Variants in TTF1 observed in about 807,000 individuals in gnomAD.
The protein encoded by TTF1 is transcription termination factor, RNA polymerase I.
Under a neutral mutation model 80.2 loss-of-function variants are expected in TTF1, and 64 were observed. The ratio of observed to expected loss-of-function variants is 0.80; its 90% confidence interval spans 0.65 to 0.98. TTF1 has a LOEUF of 0.98. Ranked by LOEUF, TTF1 falls within the 50% of genes least tolerant of loss-of-function variation. TTF1 has a pLI of 0.00. For missense variants in TTF1, 1,023 were observed against 1,086.2 expected (o/e 0.94, Z 0.82); for synonymous variants, 372 against 382.7 (o/e 0.97, Z 0.33).
At chr9:132,391,969 G>C (rs772594308) in intron 6 of TTF1, 107 bp downstream of exon 6, 1 of 1,516,840 alleles carries the variant, frequency 6.6e-7, no homozygotes, top group Admixed American at 2.1e-5. Context: ...AAGCTCTTGC[G>C]GAAGACAGGT....
chr9:132,388,501 C>T (rs1363136922), intron 7 of TTF1, among the ~76,000 whole-genome samples: 3 of 151,954 alleles, frequency 2.0e-5, no homozygotes, highest in Non-Finnish European at 2.9e-5. Flanking sequence ...CCACCACGCC[C>T]GGCTAATTTT....
chr9:132,386,739 C>T lies in TTF1; in HGVS notation c.2313-118G>A, dbSNP rs1011773243. On this transcript the variant is annotated intron_variant, in intron 8 of 10. Coordinates refer to ENST00000334270, the MANE Select transcript of TTF1 (RefSeq NM_007344.4). Reference sequence around the variant, plus strand: ...GTGCGCTTTCGCCGCATTCCAGCTCCCTCGTTACACATGCACAGTGAGCTC... The same window carrying T: ...GTGCGCTTTCGCCGCATTCCAGCTCTCTCGTTACACATGCACAGTGAGCTC... 7.9e-6 allele frequency: 6 copies of T among 759,948 alleles called. No individual in the cohort carries two copies. The African/African-American group carries it at 1.1e-4, about 13-fold the overall frequency. The allele number at this position is 759,948 out of a possible 1,614,324, so 47.1% of individuals were successfully genotyped here.
intron 1 of TTF1, among the ~76,000 whole-genome samples, chr9:132,403,893 G>A (rs1849812933): frequency 6.6e-6 from 1 of 152,176 alleles, no homozygotes; most frequent in African/African-American, 2.4e-5. Context: ...CCAACAAAGA[G>A]CGGACGTTCT....
rs778964167 is a variant in TTF1 at position 132,396,496 on chromosome 9, C to T, written c.1793G>A (p.Arg598Gln). 9 of 1,614,008 alleles carry T rather than the reference C, an allele frequency of 5.6e-6. No individual in the cohort carries two copies. Among genetic ancestry groups the T allele is most frequent in the Admixed American group, 1.7e-5 (1 of 59,996 alleles). Residue 598 changes from arginine to glutamine, a missense_variant, in exon 5 of 11, where the codon CGG (arginine) becomes CAG (glutamine). Arg to Gln is a conservative substitution (Grantham distance 43, BLOSUM62 1). Transcript: ENST00000334270. ...FRLHIGRNIA[R>Q]PWKLIYYRAK... is the part of the protein sequence containing the mutation. ...TCGATAGTATATAAGTTTCCAGGGC[C>T]GGGCAATGTTCCTACCTAAAGTCAG...
In TTF1 at chr9:132,392,125, C is replaced by T; in HGVS notation, c.1938G>A (p.Val646=). ...GNDWKTIGEM[V]ARSSLSVALK... is the part of the protein sequence containing the mutation. ...GGGCCACGGAGAGGCTACTTCGGGC[C>T]ACCATCTCACCAATCGTCTTCCAGT... is the stretch of plus-strand genomic sequence containing the variant. The change falls in exon 6 of 11, where the codon GTG becomes GTA. Residue 646 remains valine (V), a synonymous_variant. Transcript: ENST00000334270. 6.2e-7 allele frequency: 1 copy of T among 1,614,168 alleles called. No homozygotes were observed. The highest frequency in any genetic ancestry group is 8.5e-7 in the Non-Finnish European group (1 of 1,180,028).
chr9:132,383,333 C>T (rs1849404865), intron 9 of TTF1, among the ~76,000 whole-genome samples: 1 of 151,510 alleles, frequency 6.6e-6, no homozygotes, highest in African/African-American at 2.4e-5. Flanking sequence ...ACTGGGACAA[C>T]TGGTGAAATC....
At chr9:132,393,819 T>C (rs369809839) in intron 5 of TTF1, among the ~76,000 whole-genome samples, 1 of 152,328 alleles carries the variant, frequency 6.6e-6, no homozygotes. Context: ...AACACCTAAA[T>C]ATTTAAATAA....
intron 9 of TTF1, among the ~76,000 whole-genome samples, chr9:132,386,089 A>C (rs1849464461): frequency 6.6e-6 from 1 of 152,176 alleles, no homozygotes; most frequent in Non-Finnish European, 1.5e-5. Flanking sequence ...AAGTACCTAT[A>C]ATATCACCTC....
At chr9:132,396,154 A>G (rs186122624) in intron 5 of TTF1, among the ~76,000 whole-genome samples, 21 of 152,336 alleles carry the variant, frequency 1.4e-4, no homozygotes, top group African/African-American at 4.8e-4. Flanking sequence ...CAGAGTAAAC[A>G]GGAGTCACAG....
chr9:132,396,333 G>A (rs1432250117), intron 5 of TTF1, 100 bp downstream of exon 5: 12 of 1,230,908 alleles, frequency 9.7e-6, no homozygotes, highest in East Asian at 2.4e-5. Context: ...ACAAATCTGC[G>A]TTATCTTTAC....
At position 132,387,876 on chromosome 9, in the gene TTF1, A is replaced by G. The variant is rs367872248; in HGVS notation, c.2312+263T>C. On this transcript the variant is annotated intron_variant, in intron 8 of 10. Coordinates refer to ENST00000334270, the MANE Select transcript of TTF1 (RefSeq NM_007344.4). ...CTTCAAAGACTAAAATACACGGAGTATACAGTATGTTTCACACGTTATTTT... is the reference window on the plus strand; with the variant it reads ...CTTCAAAGACTAAAATACACGGAGTGTACAGTATGTTTCACACGTTATTTT... Among the ~76,000 whole-genome samples, 29 of 152,380 alleles carry G rather than the reference A, an allele frequency of 1.9e-4. No individual in the cohort carries two copies. In the East Asian group the frequency reaches 4.8e-3, roughly 25 times the overall value.
intron 5 of TTF1, 87 bp from the exon 6 acceptor site, chr9:132,392,293 G>A: frequency 2.0e-6 from 3 of 1,518,022 alleles, no homozygotes; most frequent in Non-Finnish European, 2.7e-6. Flanking sequence ...GCAATCGTGG[G>A]GAAAGCTGAA....
intron 8 of TTF1, among the ~76,000 whole-genome samples, chr9:132,386,916 T>C (rs1158035926): frequency 6.6e-6 from 1 of 151,682 alleles, no homozygotes; most frequent in Non-Finnish European, 1.5e-5. Flanking sequence ...TCATTCAACA[T>C]AGACACACAG....
intron 5 of TTF1, 130 bp from the exon 6 acceptor site, chr9:132,392,336 C>G: frequency 1.9e-6 from 2 of 1,058,866 alleles, no homozygotes; most frequent in Non-Finnish European, 2.7e-6. Context: ...CGGTCACAGC[C>G]CTCTTCACTT....
At chr9:132,388,864 A>G (rs536220045) in intron 7 of TTF1, among the ~76,000 whole-genome samples, 2 of 152,340 alleles carry the variant, frequency 1.3e-5, no homozygotes, top group South Asian at 4.1e-4. Flanking sequence ...ATTTGTCACA[A>G]TCTGATAGAT....
At chr9:132,389,856 T>TA (rs1179536122) in intron 7 of TTF1, among the ~76,000 whole-genome samples, 4 of 152,252 alleles carry the variant, frequency 2.6e-5, no homozygotes, top group African/African-American at 9.6e-5. Flanking sequence ...GGAGCATGCC[T>TA]ACCTCGCTTC....
At position 132,401,538 on chromosome 9, in the gene TTF1, C is replaced by A. The variant is rs752915320; in HGVS notation, c.1284G>T (p.Met428Ile). 8.1e-6 allele frequency: 13 copies of A among 1,614,082 alleles called. No individual in the cohort carries two copies. In the African/African-American group the frequency reaches 1.6e-4, roughly 20 times the overall value. Residue 428 changes from methionine (M) to isoleucine (I), a missense_variant, in exon 2 of 11, where the codon ATG becomes ATT. Coordinates refer to ENST00000334270, the MANE Select transcript of TTF1 (RefSeq NM_007344.4). Reference sequence around the variant, plus strand: ...GCCTAGATTTCACACCTTCTTCCATCATGGCGCCATCACCTTCTACTGAAT... The same window carrying A: ...GCCTAGATTTCACACCTTCTTCCATAATGGCGCCATCACCTTCTACTGAAT... ...LFDSVEGDGA[M>I]MEEGVKSRPR...
rs1324939848 is a variant in TTF1, at chr9:132,384,958, C to T, written c.2378+1598G>A. 1.3e-5 allele frequency among the ~76,000 whole-genome samples: 2 copies of T among 152,108 alleles called. No individual in the cohort carries two copies. The highest frequency in any genetic ancestry group is 2.4e-5 in the African/African-American group (1 of 41,418). ...GGCAAGAGCCACCGTGCCCAGCCTA[C>T]GTTTCTTTAATTCTGGACTACGTAA... is the stretch of plus-strand genomic sequence containing the variant. On this transcript the variant is annotated intron_variant, in intron 9 of 10. Transcript: ENST00000334270. This position sits in a 1 kb window ranked among gnomAD's most constrained non-coding sequence, Gnocchi z 4.1.
At chr9:132,389,615 C>T (rs923467076) in intron 7 of TTF1, among the ~76,000 whole-genome samples, 2 of 152,304 alleles carry the variant, frequency 1.3e-5, no homozygotes, top group Admixed American at 1.3e-4. Flanking sequence ...TTGCTTTTAA[C>T]ACAAAATATG....
Sources: allele counts gnomAD v4.1 joint callset (sites outside exome capture counted in the v4.1 genomes callset), GRCh38; gene constraint gnomAD v4.1.1; non-coding constraint Gnocchi (gnomAD v3.1); transcripts MANE v1.5; gene names NCBI Gene and HGNC (gene_info 2026-07-23, HGNC 2026-07-21).